The following CNTNAP3B variants were observed in gnomAD, a reference collection of about 807,000 sequenced individuals.
The protein encoded by CNTNAP3B is contactin associated protein family member 3B.
CNTNAP3B carries 25 observed loss-of-function variants against 108.9 expected under a neutral mutation model. The ratio of observed to expected loss-of-function variants is 0.23; its 90% CI spans 0.17 to 0.32. The LOEUF is 0.32. CNTNAP3B is among the 10% of genes least tolerant of loss of function. The pLI, the probability that CNTNAP3B is intolerant of heterozygous loss-of-function variation, is 1.00. For synonymous variants in CNTNAP3B, 103 were observed against 473.4 expected (o/e 0.22, Z 10.16); for missense variants, 252 against 1,210.4 (o/e 0.21, Z 11.75).
At chr9:41,926,186 T>G (rs1823814038) in intron 15 of CNTNAP3B, among the ~76,000 whole-genome samples, 2 of 152,298 alleles carry the variant, frequency 1.3e-5, no homozygotes, top group Non-Finnish European at 2.9e-5. Context: ...CATGTATAAC[T>G]CTTTCCTCAG....
chr9:41,930,487 G>A (rs1231183369), intron 14 of CNTNAP3B, among the ~76,000 whole-genome samples: 1 of 152,242 alleles, frequency 6.6e-6, no homozygotes, highest in Non-Finnish European at 1.5e-5. Flanking sequence ...AGGCTGTAGT[G>A]AGCCATGTGT....
rs777472473 is a variant in CNTNAP3B, at chr9:41,929,400, A to G, written c.2282T>C (p.Val761Ala). 13 of 1,541,840 alleles carry G rather than the reference A, an allele frequency of 8.4e-6. 2 individuals are homozygous for G. The highest frequency in any genetic ancestry group is 2.3e-5 in the South Asian group (2 of 85,466). ...TGTGTCTGTCATCACAATCTGAGTGACTGGGAGGTGCTCCTTTTGGGAAAG... is the reference window on the plus strand; with the variant it reads ...TGTGTCTGTCATCACAATCTGAGTGGCTGGGAGGTGCTCCTTTTGGGAAAG... The part of the protein sequence containing the change: ...IVLSQKEHLP[V>A]TQIVMTDTGQ... Residue 761 changes from valine to alanine, a missense_variant, in exon 15 of 24, where the codon GTC becomes GCC. By Grantham distance (64) the Val-to-Ala change is moderately conservative. Transcript: ENST00000377561.
At position 42,049,360 on chromosome 9, in the gene CNTNAP3B, C is replaced by T. The variant is rs1476642957; in HGVS notation, c.390+27509G>A. Among the ~76,000 whole-genome samples the T allele has an allele frequency of 1.4e-5, 2 of 139,324 alleles. 1 individual carries two copies. The highest frequency in any genetic ancestry group is 5.7e-5 in the African/African-American group (2 of 35,108). The allele number at this position is 139,324 out of a possible 152,430, so 91.4% of individuals were successfully genotyped here. ...ATCAGCCTCTCTTGATCTAACTGTC[C>T]TCTCCACATTGCCCAAACAGCATGG... On this transcript the variant is annotated intron_variant, in intron 3 of 23. Coordinates refer to ENST00000377561, the MANE Select transcript of CNTNAP3B (RefSeq NM_001201380.3).
Position 42,127,814 on chromosome 9 carries a change from G to A in CNTNAP3B, c.85+1196C>T, listed in dbSNP as rs1249064075. Among the ~76,000 whole-genome samples, 5 of 139,108 alleles carry A rather than the reference G, an allele frequency of 3.6e-5. 2 individuals carry two copies. The highest frequency in any genetic ancestry group is 4.3e-4 in the East Asian group (2 of 4,600). The allele number at this position is 139,108 out of a possible 152,430, so 91.3% of individuals were successfully genotyped here. A position where few individuals can be genotyped will look rare whatever the true frequency, so the allele number is the denominator to read the frequency against. On this transcript the variant is annotated intron_variant, in intron 1 of 23. Transcript: ENST00000377561. ...ACAGTGAGTGCATGAACCCATGTGC[G>A]TGCCCTGTGTGTGAAGAAACAACCC...
At chr9:41,941,390 A>G (rs1824337940) in intron 13 of CNTNAP3B, among the ~76,000 whole-genome samples, 1 of 148,348 alleles carries the variant, frequency 6.7e-6, no homozygotes, top group Non-Finnish European at 1.5e-5. Context: ...ATTTGAAAGA[A>G]AGCAGAATGG....
intron 12 of CNTNAP3B, chr9:41,960,150 C>A (rs901637609): frequency 6.4e-6 from 1 of 157,474 alleles, no homozygotes; most frequent in Non-Finnish European, 1.4e-5. Context: ...GGTGTGGGCG[C>A]CACCATGCCC....
intron 12 of CNTNAP3B, among the ~76,000 whole-genome samples, chr9:41,959,822 T>C (rs2118194366): frequency 1.3e-5 from 2 of 152,424 alleles, no homozygotes; most frequent in East Asian, 1.9e-4. Flanking sequence ...TCCAAATTTA[T>C]GAAACTTTTG....
intron 14 of CNTNAP3B, among the ~76,000 whole-genome samples, chr9:41,937,856 C>G (rs1301356158): frequency 6.6e-6 from 1 of 151,944 alleles, no homozygotes; most frequent in Non-Finnish European, 1.5e-5. Context: ...ACAGAATATG[C>G]AGCATTATAT....
intron 14 of CNTNAP3B, 65 bp from the exon 15 acceptor site, chr9:41,929,509 A>T (rs1207779704): frequency 6.7e-6 from 10 of 1,492,384 alleles, no homozygotes; most frequent in Non-Finnish European, 8.1e-6. Flanking sequence ...ATTAACTCTG[A>T]TCTCTTATCT....
intron 1 of CNTNAP3B, among the ~76,000 whole-genome samples, chr9:42,109,875 T>G (rs547103892): frequency 7.4e-6 from 1 of 135,428 alleles, no homozygotes; most frequent in Non-Finnish European, 1.6e-5. Flanking sequence ...GTAAGAGAGA[T>G]AAAGGTGATG....
intron 3 of CNTNAP3B, among the ~76,000 whole-genome samples, chr9:42,043,437 C>T (rs1165700359): frequency 6.5e-5 from 5 of 76,996 alleles, no homozygotes; most frequent in South Asian, 4.1e-4. Context: ...CAAAGTGCTG[C>T]GATTACAGGC....
intron 12 of CNTNAP3B, chr9:41,960,192 G>T: frequency 6.2e-6 from 1 of 160,586 alleles, no homozygotes; most frequent in Non-Finnish European, 1.4e-5. Flanking sequence ...TAGAGATGGG[G>T]TTTCACCACG....
chr9:41,934,085 T>C, intron 14 of CNTNAP3B, among the ~76,000 whole-genome samples: 1 of 68,314 alleles, frequency 1.5e-5, no homozygotes, highest in Non-Finnish European at 3.1e-5. Flanking sequence ...TCAATTTGCC[T>C]TTGCATATTT....
chr9:41,952,509 C>T (rs1158217417), intron 13 of CNTNAP3B, among the ~76,000 whole-genome samples: 1 of 152,218 alleles, frequency 6.6e-6, no homozygotes, highest in African/African-American at 2.4e-5. Context: ...AGCGGTGAGT[C>T]CTGCAGGGGA....
At position 42,107,494 on chromosome 9, in the gene CNTNAP3B, G is replaced by A. The variant is rs1255112428; in HGVS notation, c.86-2755C>T. Among the ~76,000 whole-genome samples the A allele has an allele frequency of 2.4e-5, 3 of 123,844 alleles. 1 individual carries two copies. Among genetic ancestry groups the A allele is most frequent in the East Asian group, 2.5e-4 (1 of 3,934 alleles). The allele number at this position is 123,844 out of a possible 152,430, so 81.2% of individuals were successfully genotyped here. A position where few individuals can be genotyped will look rare whatever the true frequency, so the allele number is the denominator to read the frequency against. On this transcript the variant is annotated intron_variant, in intron 1 of 23. Coordinates refer to ENST00000377561, the MANE Select transcript of CNTNAP3B (RefSeq NM_001201380.3). ...TTAACTTTCCAATTGTGTGTTTCAC[G>A]AGTTTCAGATGATTTCCAATAGGAT... is the stretch of plus-strand genomic sequence containing the variant.
intron 13 of CNTNAP3B, among the ~76,000 whole-genome samples, chr9:41,945,975 A>T (rs1354304590): frequency 6.6e-6 from 1 of 152,302 alleles, no homozygotes; most frequent in Admixed American, 6.5e-5. Flanking sequence ...GAGCAAGGAA[A>T]ATTATCAGAG....
intron 13 of CNTNAP3B, among the ~76,000 whole-genome samples, chr9:41,940,207 T>A (rs1389042150): frequency 6.6e-6 from 1 of 152,290 alleles, no homozygotes; most frequent in Non-Finnish European, 1.5e-5. Flanking sequence ...GCTGTAAACT[T>A]CCCACATGTG....
intron 2 of CNTNAP3B, among the ~76,000 whole-genome samples, chr9:42,090,186 G>C: frequency 8.7e-6 from 1 of 114,658 alleles, no homozygotes; most frequent in Non-Finnish European, 1.8e-5. Context: ...GCAATTAAAG[G>C]TATAATAATC....
intron 14 of CNTNAP3B, among the ~76,000 whole-genome samples, chr9:41,931,449 C>A (rs1308434697): frequency 1.4e-4 from 22 of 152,280 alleles, no homozygotes; most frequent in Admixed American, 1.4e-3. Flanking sequence ...CATTAATCAA[C>A]TTCTTTTATA....
Sources: allele counts gnomAD v4.1 joint callset (sites outside exome capture counted in the v4.1 genomes callset), GRCh38; gene constraint gnomAD v4.1.1; transcripts MANE v1.5; gene names NCBI Gene and HGNC (gene_info 2026-07-23, HGNC 2026-07-21).